The following SCARA3 variants were observed in gnomAD, a reference collection of about 807,000 sequenced individuals.
SCARA3 encodes the protein scavenger receptor class A member 3.
In SCARA3, 39 loss-of-function variants were observed where a neutral mutation model predicts 47.0. The ratio of observed to expected loss-of-function variants is 0.83; its 90% CI spans 0.64 to 1.08. The LOEUF is 1.08. SCARA3 is among the 50% of genes least tolerant of loss of function. The probability of loss-of-function intolerance (pLI) is 0.00; values close to 1 mark genes in which losing one functional copy is unlikely to be tolerated. For missense variants in SCARA3, 724 were observed against 792.3 expected (o/e 0.91, Z 1.04); for synonymous variants, 356 against 334.1 (o/e 1.07, Z -0.71).
chr8:27,716,236 C>T, the SCARA3 span, among the ~76,000 whole-genome samples: 4 of 151,986 alleles, frequency 2.6e-5, no homozygotes, highest in African/African-American at 9.7e-5. Context: ...TCACTTGAGC[C>T]CAGGAAGTCG....
At chr8:27,713,300 G>A in the SCARA3 span, among the ~76,000 whole-genome samples, 1 of 152,254 alleles carries the variant, frequency 6.6e-6, no homozygotes, top group African/African-American at 2.4e-5. Context: ...TCTAGGGCAA[G>A]AATATCACGT....
the SCARA3 span, among the ~76,000 whole-genome samples, chr8:27,687,844 C>T: frequency 2.0e-5 from 3 of 152,172 alleles, no homozygotes; most frequent in East Asian, 3.9e-4. Flanking sequence ...TGGCGAAACC[C>T]GTTTCTACTA....
At chr8:27,707,143 C>T in the SCARA3 span, among the ~76,000 whole-genome samples, 3 of 152,278 alleles carry the variant, frequency 2.0e-5, no homozygotes, top group South Asian at 4.1e-4. Flanking sequence ...TCTCCAGCCC[C>T]TTCCTTTTGT....
chr8:27,672,958 C>T lies in SCARA3; in HGVS notation c.*1607C>T, dbSNP rs1036710. The T allele has an allele frequency of 0.068, 67,133 of 985,070 alleles. 2,523 individuals are homozygous for T. Among genetic ancestry groups the T allele is most frequent in the East Asian group, 0.24 (2,091 of 8,780 alleles). 61.0% of individuals were successfully genotyped at this position (985,070 alleles called of 1,614,324 possible). ...CCCCACGGCCATGTAACTCTCCTGT[C>T]CACATATGATAATACCATTCTGCAT... On this transcript the variant is annotated 3_prime_UTR_variant, in exon 6 of 6. Transcript: ENST00000301904.
Position 27,658,453 on chromosome 8 carries a change from C to T in SCARA3, c.326-43C>T, listed in dbSNP as rs769546738. On this transcript the variant is annotated intron_variant, in intron 4 of 5. Transcript: ENST00000301904. ...TAATTTAAAGAGGAAGCGTCGTACCCTGGCCCTTCAGCAACTCAAACTGTT... is the reference window on the plus strand; with the variant it reads ...TAATTTAAAGAGGAAGCGTCGTACCTTGGCCCTTCAGCAACTCAAACTGTT... 1.8e-5 allele frequency: 27 copies of T among 1,514,934 alleles called. No homozygotes were observed. In the Admixed American group the frequency reaches 2.3e-4, roughly 13 times the overall value. 93.8% of individuals were successfully genotyped at this position (1,514,934 alleles called of 1,614,324 possible). A position where few individuals can be genotyped will look rare whatever the true frequency, so the allele number is the denominator to read the frequency against.
intron 1 of SCARA3, among the ~76,000 whole-genome samples, chr8:27,642,567 A>G (rs12549671): frequency 0.19 from 29,068 of 152,194 alleles, 3,625 homozygotes; most frequent in Non-Finnish European, 0.27. Flanking sequence ...TCATGCCAGT[A>G]ATCCCAGCAC....
At chr8:27,716,850 A>G in the SCARA3 span, among the ~76,000 whole-genome samples, 6 of 152,270 alleles carry the variant, frequency 3.9e-5, no homozygotes, top group Admixed American at 3.9e-4. Context: ...CATCTTCTTA[A>G]TTGATTAAAA....
chr8:27,705,039 A>T, the SCARA3 span, among the ~76,000 whole-genome samples: 1 of 152,066 alleles, frequency 6.6e-6, no homozygotes, highest in Non-Finnish European at 1.5e-5. Context: ...CCAAAACGGA[A>T]CTCACACCAC....
chr8:27,713,192 A>T, the SCARA3 span, among the ~76,000 whole-genome samples: 1 of 152,238 alleles, frequency 6.6e-6, no homozygotes, highest in African/African-American at 2.4e-5. Context: ...ATTAAACTTT[A>T]CATCCTTGAC....
At chr8:27,662,969 A>G (rs1374268123) in intron 5 of SCARA3, among the ~76,000 whole-genome samples, 1 of 152,242 alleles carries the variant, frequency 6.6e-6, no homozygotes, top group Non-Finnish European at 1.5e-5. Flanking sequence ...TTCACATAGG[A>G]TGCAAATATC....
intron 3 of SCARA3, among the ~76,000 whole-genome samples, chr8:27,654,290 A>T (rs35112405): frequency 0.032 from 4,803 of 152,298 alleles, 112 homozygotes; most frequent in Non-Finnish European, 0.043. Context: ...AAAAATTGTT[A>T]GCGTCACAGC....
chr8:27,653,754 TG>T (rs1203577802), intron 3 of SCARA3, among the ~76,000 whole-genome samples: 1 of 152,136 alleles, frequency 6.6e-6, no homozygotes, highest in Non-Finnish European at 1.5e-5. Context: ...AAGAGCATAC[TG>T]GGGACCAAGA....
At chr8:27,678,901 A>G (rs1008268239), downstream of SCARA3, among the ~76,000 whole-genome samples, 1 of 152,114 alleles carries the variant, frequency 6.6e-6, no homozygotes, top group Non-Finnish European at 1.5e-5. Context: ...TCAAAAATCA[A>G]TGTAGGCCAG....
chr8:27,714,861 T>A, the SCARA3 span, among the ~76,000 whole-genome samples: 1 of 152,204 alleles, frequency 6.6e-6, no homozygotes, highest in Admixed American at 6.5e-5. Context: ...GGCTCTTTTG[T>A]ATATGTTACC....
chr8:27,727,384 C>T, the SCARA3 span, among the ~76,000 whole-genome samples: 1 of 152,228 alleles, frequency 6.6e-6, no homozygotes, highest in Non-Finnish European at 1.5e-5. Flanking sequence ...CGCTGAACCT[C>T]CGCGTGATGC....
chr8:27,663,675 A>G (rs1801959079), intron 5 of SCARA3, among the ~76,000 whole-genome samples: 1 of 152,172 alleles, frequency 6.6e-6, no homozygotes, highest in Non-Finnish European at 1.5e-5. Context: ...GTGGTTATCT[A>G]TGGAGAATGG....
chr8:27,660,223 C>G (rs1801865180), intron 5 of SCARA3, among the ~76,000 whole-genome samples: 1 of 149,676 alleles, frequency 6.7e-6, no homozygotes, highest in African/African-American at 2.4e-5. Flanking sequence ...GAGAGAGAGA[C>G]AGAGAGATCC....
the SCARA3 span, among the ~76,000 whole-genome samples, chr8:27,727,865 C>T: frequency 6.6e-6 from 1 of 152,188 alleles, no homozygotes; most frequent in Admixed American, 6.5e-5. Flanking sequence ...ATCACCCCAA[C>T]AGCTCTACAA....
the SCARA3 span, among the ~76,000 whole-genome samples, chr8:27,720,054 G>T: frequency 0.033 from 5,054 of 152,214 alleles, 276 homozygotes; most frequent in East Asian, 0.21. Flanking sequence ...AACAGGAAAC[G>T]GCCAGGTCAG....
Sources: allele counts gnomAD v4.1 joint callset (sites outside exome capture counted in the v4.1 genomes callset), GRCh38; gene constraint gnomAD v4.1.1; transcripts MANE v1.5; gene names NCBI Gene and HGNC (gene_info 2026-07-23, HGNC 2026-07-21).